The following USP40 variants were observed in gnomAD, a reference collection of about 807,000 sequenced individuals.
USP40 encodes ubiquitin specific peptidase 40, also known as ubiquitin carboxyl-terminal hydrolase 40.
Under a neutral mutation model 166.2 loss-of-function variants are expected in USP40, and 143 were observed. That is an observed-to-expected ratio of 0.86 (90% CI 0.75 to 0.99). The LOEUF is 0.99. USP40 is among the 50% of genes least tolerant of loss of function. USP40 has a pLI of 0.00. For missense variants in USP40, 1,444 were observed against 1,479.7 expected (o/e 0.98, Z 0.40); for synonymous variants, 498 against 524.0 (o/e 0.95, Z 0.68).
intron 5 of USP40, among the ~76,000 whole-genome samples, chr2:233,555,636 CTTTTT>C (rs1232616788): frequency 2.3e-5 from 3 of 129,030 alleles, no homozygotes; most frequent in African/African-American, 6.1e-5. Flanking sequence ...AAAAATCACT[CTTTTT>C]TTTTTTTTTT....
chr2:233,477,357 G>A lies in USP40; in HGVS notation c.*35C>T. The A allele has an allele frequency of 6.3e-7, 1 of 1,598,060 alleles. No homozygotes were observed. On this transcript the variant is annotated 3_prime_UTR_variant, in exon 32 of 32. Coordinates refer to ENST00000678225, the MANE Select transcript of USP40 (RefSeq NM_001365479.2). Reference sequence around the variant, plus strand: ...ACCCACGTTTGTGGCATCAGCCGGAGAGTTCATCGGGAGTAGAGCCGTGCA... The same window carrying A: ...ACCCACGTTTGTGGCATCAGCCGGAAAGTTCATCGGGAGTAGAGCCGTGCA...
intron 11 of USP40, among the ~76,000 whole-genome samples, chr2:233,530,733 ATCT>A (rs1432317922): frequency 6.6e-6 from 1 of 152,162 alleles, no homozygotes; most frequent in Non-Finnish European, 1.5e-5. Flanking sequence ...AAACACAGGA[ATCT>A]TCTTTTTGTA....
At chr2:233,498,995 G>A (rs141376719) in intron 22 of USP40, among the ~76,000 whole-genome samples, 186 of 152,228 alleles carry the variant, frequency 1.2e-3, no homozygotes, top group African/African-American at 4.2e-3. Flanking sequence ...ACATCTTAGC[G>A]TTCTTTTTAT....
chr2:233,489,440 G>A lies in USP40; in HGVS notation c.3056C>T (p.Pro1019Leu), dbSNP rs1180945293. Residue 1019 changes from proline (P) to leucine (L), a missense_variant, in exon 27 of 32, where the codon CCA becomes CTA. Coordinates refer to ENST00000678225, the MANE Select transcript of USP40 (RefSeq NM_001365479.2). The part of the protein sequence containing the change: ...PPFLEFGVPS[P>L]AHLRAWTVER... ...CACCGTCCAGGCTCTGAGGTGGGCT[G>A]GGGACGGGACACCGAACTCCAGGAA... The A allele has an allele frequency of 6.2e-7, 1 of 1,608,022 alleles. No homozygotes were observed. The highest frequency in any genetic ancestry group is 2.2e-5 in the East Asian group (1 of 44,764).
intron 3 of USP40, among the ~76,000 whole-genome samples, chr2:233,560,241 T>C (rs958589921): frequency 6.6e-6 from 1 of 152,222 alleles, no homozygotes; most frequent in Non-Finnish European, 1.5e-5. Context: ...TAGTCCATTA[T>C]TTCTCTAAAA....
At chr2:233,545,267 G>A (rs559766841) in intron 8 of USP40, among the ~76,000 whole-genome samples, 1 of 152,302 alleles carries the variant, frequency 6.6e-6, no homozygotes, top group Admixed American at 6.5e-5. Context: ...AATGACAGGA[G>A]GGAAGAGGCA....
Position 233,551,505 on chromosome 2 carries a change from A to G in USP40, c.708T>C (p.Arg236=). ...LVKAAKSAKL[R]KLPPFLTVSL... is the part of the protein sequence containing the mutation. ...AAACAGTAAGAAAAGGAGGCAGCTT[A>G]CGTAATTTGGCCGACTGTTAAAAGA... The change falls in exon 7 of 32, where the codon CGT becomes CGC. Residue 236 remains arginine (R), a synonymous_variant. Coordinates refer to ENST00000678225, the MANE Select transcript of USP40 (RefSeq NM_001365479.2). 6.3e-7 allele frequency: 1 copy of G among 1,597,578 alleles called. No individual in the cohort carries two copies. Among genetic ancestry groups the G allele is most frequent in the Non-Finnish European group, 8.5e-7 (1 of 1,174,282 alleles).
intron 3 of USP40, chr2:233,561,166 A>G (rs2071567017): frequency 1.3e-6 from 2 of 1,577,296 alleles, no homozygotes; most frequent in African/African-American, 1.3e-5. Flanking sequence ...ATACCTTTGC[A>G]TCGGGTTTAT....
rs1212181583 is a variant in USP40, at chr2:233,481,231, T to C, written c.3571A>G (p.Lys1191Glu). ...TTCCTTCTCCCCAGGGCCCGTTGTT[T>C]CTGCTTTTCTTTTCCAGTGTCATCT... ...IRDDTGKEKQ[K>E]QRALGRRKSQ... Residue 1191 changes from lysine to glutamate, a missense_variant, in exon 31 of 32, where the codon AAA becomes GAA. Physicochemically the swap from Lys to Glu is moderately conservative, Grantham distance 56. Coordinates refer to ENST00000678225, the MANE Select transcript of USP40 (RefSeq NM_001365479.2). The C allele has an allele frequency of 6.2e-7, 1 of 1,608,296 alleles. No individual in the cohort carries two copies. Among genetic ancestry groups the C allele is most frequent in the Non-Finnish European group, 8.5e-7 (1 of 1,177,252 alleles).
At chr2:233,561,354 T>C (rs1193736526) in intron 3 of USP40, 14 of 548,766 alleles carry the variant, frequency 2.6e-5, no homozygotes, top group South Asian at 1.9e-5. Context: ...AGCATGGTAC[T>C]GGTACCAAAA....
chr2:233,517,448 G>A (rs950279701), intron 18 of USP40, among the ~76,000 whole-genome samples: 13 of 146,236 alleles, frequency 8.9e-5, no homozygotes, highest in Non-Finnish European at 1.5e-4. Context: ...GCAGTGGCGC[G>A]ATCTCGGCTC....
chr2:233,511,694 GTGACC>G lies in USP40; in HGVS notation c.2526+10_2526+14del. 1 of 1,602,102 alleles carries G rather than the reference GTGACC, an allele frequency of 6.2e-7. No individual in the cohort carries two copies. On this transcript the variant is annotated intron_variant, in intron 20 of 31. Transcript: ENST00000678225. ...AAGGGTTGATTTTGTTTTGAAACAG[GTGACC>G]TTATTTTACCTGAGACGAACTTGGT...
At chr2:233,560,332 C>G (rs2071463147) in intron 3 of USP40, among the ~76,000 whole-genome samples, 1 of 152,172 alleles carries the variant, frequency 6.6e-6, no homozygotes, top group Non-Finnish European at 1.5e-5. Context: ...TCTCAGCACA[C>G]CCTGCCTCAC....
rs1158427662 is a variant in USP40 at position 233,510,392 on chromosome 2, C to CTTTTTTTT, written c.2527-265_2527-258dup. Among the ~76,000 whole-genome samples the CTTTTTTTT allele has an allele frequency of 7.3e-3, 502 of 68,622 alleles. 12 individuals carry two copies. Among genetic ancestry groups the CTTTTTTTT allele is most frequent in the Non-Finnish European group, 8.4e-3 (317 of 37,752 alleles). The allele number at this position is 68,622 out of a possible 152,430, so 45.0% of individuals were successfully genotyped here. ...CCACATACACTACTTCTTTTTCTTTCTTTTTTTTTTTTTTTTTTTTTTTTT... is the reference window on the plus strand; with the variant it reads ...CCACATACACTACTTCTTTTTCTTTCTTTTTTTTTTTTTTTTTTTTTTTTTTTTTTTTT... On this transcript the variant is annotated intron_variant, in intron 20 of 31. Coordinates refer to ENST00000678225, the MANE Select transcript of USP40 (RefSeq NM_001365479.2).
chr2:233,562,197 C>T (rs2071694292), intron 3 of USP40, among the ~76,000 whole-genome samples: 2 of 147,132 alleles, frequency 1.4e-5, no homozygotes, highest in Admixed American at 6.8e-5. Flanking sequence ...CCATTTGACC[C>T]AGCCATCCCA....
intron 2 of USP40, 40 bp downstream of exon 2, chr2:233,565,316 T>C (rs1284402217): frequency 3.6e-6 from 5 of 1,389,944 alleles, no homozygotes; most frequent in Admixed American, 2.1e-5. Flanking sequence ...GTAAAGAAGA[T>C]GGTACATATT....
intron 8 of USP40, 80 bp from the exon 9 acceptor site, chr2:233,542,443 G>T: frequency 1.2e-6 from 1 of 803,174 alleles, no homozygotes; most frequent in Non-Finnish European, 2.0e-6. Flanking sequence ...AGGCACAGTA[G>T]CTCACACCTG....
chr2:233,534,464 T>C (rs896897888), intron 10 of USP40, among the ~76,000 whole-genome samples: 2 of 152,206 alleles, frequency 1.3e-5, no homozygotes, highest in South Asian at 4.1e-4. Context: ...CCTAATTTAC[T>C]TTATATAGAA....
intron 8 of USP40, chr2:233,546,713 C>T (rs2069979146): frequency 6.6e-6 from 1 of 152,152 alleles, no homozygotes; most frequent in African/African-American, 2.4e-5. Flanking sequence ...AAGCTTCGAT[C>T]AGAATCTAAT....
Sources: allele counts gnomAD v4.1 joint callset (sites outside exome capture counted in the v4.1 genomes callset), GRCh38; gene constraint gnomAD v4.1.1; transcripts MANE v1.5; gene names NCBI Gene and HGNC (gene_info 2026-07-23, HGNC 2026-07-21).